The following NBEA variants were observed in gnomAD, a reference collection of about 807,000 sequenced individuals.
The protein encoded by NBEA is neurobeachin.
In NBEA, 44 loss-of-function variants were observed where a neutral mutation model predicts 343.4. The ratio of observed to expected loss-of-function variants is 0.13; its 90% CI spans 0.10 to 0.16. The LOEUF is 0.16. Ranked by LOEUF, NBEA falls within the 10% of genes least tolerant of loss-of-function variation. The pLI is 1.00. For synonymous variants in NBEA, 1,175 were observed against 1,238.7 expected, an observed-to-expected ratio of 0.95 and a Z score of 1.08; for missense variants, 2,555 against 3,631.3, an observed-to-expected ratio of 0.70 and a Z score of 7.62.
chr13:35,391,970 C>A (rs1357661436), intron 38 of NBEA, among the ~76,000 whole-genome samples: 2 of 152,006 alleles, frequency 1.3e-5, no homozygotes. Context: ...GTGCTACTTT[C>A]ATTAATATGA....
At chr13:35,509,618 C>A (rs1443253180) in intron 41 of NBEA, among the ~76,000 whole-genome samples, 1 of 152,132 alleles carries the variant, frequency 6.6e-6, no homozygotes, top group Non-Finnish European at 1.5e-5. Flanking sequence ...TAGGCAGCAA[C>A]CTTTGCTGTG....
At chr13:35,244,629 T>A (rs559387769) in intron 34 of NBEA, among the ~76,000 whole-genome samples, 1 of 152,182 alleles carries the variant, frequency 6.6e-6, no homozygotes, top group African/African-American at 2.4e-5. Flanking sequence ...ATTTGAGGAT[T>A]GTTTTTTCTA....
chr13:35,114,076 G>A lies in NBEA; in HGVS notation c.2002+3098G>A, dbSNP rs141173629. Among the ~76,000 whole-genome samples, 542 of 152,306 alleles carry A rather than the reference G, an allele frequency of 3.6e-3. 2 individuals carry two copies. Among genetic ancestry groups the A allele is most frequent in the Middle Eastern group, 0.01 (3 of 294 alleles). On this transcript the variant is annotated intron_variant, in intron 13 of 58. Transcript: ENST00000379939. ...TTAGCCATTTTTCCAGGAAGCCCTG[G>A]TTTGTTTGGTGGATATGGTTTTTAG... is the stretch of plus-strand genomic sequence containing the variant.
intron 41 of NBEA, among the ~76,000 whole-genome samples, chr13:35,518,809 C>T (rs551150179): frequency 1.3e-5 from 2 of 152,178 alleles, no homozygotes; most frequent in South Asian, 2.1e-4. Context: ...TGCATCCTAC[C>T]GAGCTTTGAT....
At chr13:35,083,095 G>A (rs1474931288) in intron 10 of NBEA, among the ~76,000 whole-genome samples, 4 of 152,024 alleles carry the variant, frequency 2.6e-5, no homozygotes, top group African/African-American at 9.7e-5. Context: ...TAATTTTTAT[G>A]TAAGATGTAA....
chr13:35,420,234 C>G (rs1287749843), intron 38 of NBEA, among the ~76,000 whole-genome samples: 5 of 152,038 alleles, frequency 3.3e-5, no homozygotes, highest in Non-Finnish European at 1.5e-5. Flanking sequence ...GTCTTTCACT[C>G]TTAAGTATAA....
chr13:35,022,019 C>G (rs928486674), intron 1 of NBEA, among the ~76,000 whole-genome samples: 6 of 152,078 alleles, frequency 3.9e-5, no homozygotes, highest in African/African-American at 1.4e-4. Context: ...GCAACAAATT[C>G]TGTCTTGTAG....
chr13:35,039,225 G>A (rs1797989190), intron 1 of NBEA, among the ~76,000 whole-genome samples: 1 of 151,710 alleles, frequency 6.6e-6, no homozygotes, highest in Admixed American at 6.6e-5. Context: ...ACCAAGCCAT[G>A]CTGCTGGAGT....
chr13:35,606,733 T>G (rs1001710394), intron 48 of NBEA, among the ~76,000 whole-genome samples, 155 bp downstream of exon 48: 2 of 152,226 alleles, frequency 1.3e-5, no homozygotes, highest in African/African-American at 4.8e-5. Flanking sequence ...AACATTTTAC[T>G]GTTGTCTTGA....
intron 38 of NBEA, among the ~76,000 whole-genome samples, chr13:35,396,883 C>T (rs1403061493): frequency 6.6e-6 from 1 of 152,054 alleles, no homozygotes; most frequent in Admixed American, 6.6e-5. Context: ...TCCCTGTGCC[C>T]CTGTATTACA....
At chr13:35,596,352 T>C (rs1236790201) in intron 47 of NBEA, among the ~76,000 whole-genome samples, 1 of 152,168 alleles carries the variant, frequency 6.6e-6, no homozygotes, top group Non-Finnish European at 1.5e-5. Flanking sequence ...TATTCTTATT[T>C]CTAAGCTGTT....
At chr13:35,609,538 G>A (rs979749372) in intron 48 of NBEA, among the ~76,000 whole-genome samples, 1 of 152,180 alleles carries the variant, frequency 6.6e-6, no homozygotes, top group Non-Finnish European at 1.5e-5. Flanking sequence ...TAAGTTTCTA[G>A]TAGAGGCCTA....
rs186263716 is a variant in NBEA, at chr13:35,415,505, T to G, written c.6180-16764T>G. On this transcript the variant is annotated intron_variant, in intron 38 of 58. Transcript: ENST00000379939. ...TTAAATAGGGAATCCTTTCCCCATTTCTTGTTTTTGTCAGATTTGTCAAAG... is the reference window on the plus strand; with the variant it reads ...TTAAATAGGGAATCCTTTCCCCATTGCTTGTTTTTGTCAGATTTGTCAAAG... Among the ~76,000 whole-genome samples the G allele has an allele frequency of 8.1e-3, 1,237 of 152,202 alleles. 8 individuals carry two copies. The highest frequency in any genetic ancestry group is 0.013 in the Non-Finnish European group (866 of 67,974).
At chr13:35,432,833 G>A (rs1423662714) in intron 39 of NBEA, among the ~76,000 whole-genome samples, 1 of 151,120 alleles carries the variant, frequency 6.6e-6, no homozygotes, top group Non-Finnish European at 1.5e-5. Context: ...ATATACACAT[G>A]TAATATATAT....
At chr13:35,030,472 T>TA (rs1053891354) in intron 1 of NBEA, among the ~76,000 whole-genome samples, 3 of 151,636 alleles carry the variant, frequency 2.0e-5, no homozygotes, top group African/African-American at 7.2e-5. Context: ...ATCTACCGCT[T>TA]ACTTATGTGT....
Position 35,143,891 on chromosome 13 carries a change from C to CA in NBEA, c.2445+1525dup, listed in dbSNP as rs1299776068. Among the ~76,000 whole-genome samples the CA allele has an allele frequency of 3.0e-3, 263 of 87,000 alleles. 1 individual carries two copies. Among genetic ancestry groups the CA allele is most frequent in the Middle Eastern group, 0.012 (2 of 170 alleles). The allele number at this position is 87,000 out of a possible 152,430, so 57.1% of individuals were successfully genotyped here. On this transcript the variant is annotated intron_variant, in intron 18 of 58. Coordinates refer to ENST00000379939, the MANE Select transcript of NBEA (RefSeq NM_001385012.1). ...TGACAAAGTGAGACCCTGTCCCCTT[C>CA]AAAAAAAAAAACAAAAAAAAAAACA...
intron 10 of NBEA, among the ~76,000 whole-genome samples, chr13:35,076,784 ATT>A (rs1314779686): frequency 6.6e-6 from 1 of 151,694 alleles, no homozygotes; most frequent in Non-Finnish European, 1.5e-5. Context: ...GTTGTCTTTA[ATT>A]TTTCAGTCTT....
intron 35 of NBEA, among the ~76,000 whole-genome samples, chr13:35,307,558 A>G (rs2036979892): frequency 6.6e-6 from 1 of 152,024 alleles, no homozygotes. Flanking sequence ...TAATACCTAG[A>G]TATGTACTCT....
At chr13:35,445,534 A>G (rs1047286994) in intron 39 of NBEA, among the ~76,000 whole-genome samples, 1 of 151,750 alleles carries the variant, frequency 6.6e-6, no homozygotes, top group African/African-American at 2.4e-5. Context: ...TAACTTATGA[A>G]TGGCAAATCA....
Sources: gnomAD v4.1 joint callset for allele counts (sites outside exome capture counted in the v4.1 genomes callset) on GRCh38, gnomAD v4.1.1 for gene constraint, MANE v1.5 for transcripts, NCBI Gene and HGNC (gene_info 2026-07-23, HGNC 2026-07-21) for gene names.